LRRTM4: variants seen among roughly 807,000 people sequenced by gnomAD.
LRRTM4 encodes leucine-rich repeat transmembrane neuronal protein 4.
Under a neutral mutation model 47.6 loss-of-function variants are expected in LRRTM4, and 25 were observed. That is an observed-to-expected ratio of 0.53 (90% CI 0.38 to 0.73). The LOEUF (loss-of-function observed/expected upper bound fraction) is 0.73. Among genes scored for constraint, LRRTM4 ranks in the 30% least tolerant of loss-of-function variants. The pLI, the probability that LRRTM4 is intolerant of heterozygous loss-of-function variation, is 0.00. For synonymous variants in LRRTM4, 311 were observed against 269.5 expected, an observed-to-expected ratio of 1.15 and a Z score of -1.51; for missense variants, 638 against 713.4, an observed-to-expected ratio of 0.89 and a Z score of 1.20.
At chr2:77,355,417 G>A (rs1671931644) in intron 3 of LRRTM4, among the ~76,000 whole-genome samples, 1 of 152,100 alleles carries the variant, frequency 6.6e-6, no homozygotes, top group South Asian at 2.1e-4. Context: ...ACCACTCAGA[G>A]TAAAGTATCC....
At chr2:77,105,172 C>A (rs1222275399) in intron 3 of LRRTM4, among the ~76,000 whole-genome samples, 1 of 151,964 alleles carries the variant, frequency 6.6e-6, no homozygotes, top group Non-Finnish European at 1.5e-5. Context: ...CTGAGTATAA[C>A]AACAACAAAA....
intron 3 of LRRTM4, among the ~76,000 whole-genome samples, chr2:76,874,009 G>A (rs1672711080): frequency 6.6e-6 from 1 of 151,688 alleles, no homozygotes; most frequent in Admixed American, 6.6e-5. Flanking sequence ...TCCAAAAAAA[G>A]TTCTTGATAG....
intron 3 of LRRTM4, among the ~76,000 whole-genome samples, chr2:76,995,415 G>A (rs934648625): frequency 6.6e-6 from 1 of 151,966 alleles, no homozygotes; most frequent in Non-Finnish European, 1.5e-5. Flanking sequence ...CATGATAGTT[G>A]CAGTACTTTT....
intron 3 of LRRTM4, among the ~76,000 whole-genome samples, chr2:77,421,443 C>G (rs948827681): frequency 6.6e-5 from 10 of 152,066 alleles, no homozygotes; most frequent in Middle Eastern, 3.2e-3. Flanking sequence ...CGTGGTGGCT[C>G]ATGCCTATAA....
At chr2:76,922,139 G>C (rs947592243) in intron 3 of LRRTM4, among the ~76,000 whole-genome samples, 10 of 152,220 alleles carry the variant, frequency 6.6e-5, no homozygotes, top group African/African-American at 1.9e-4. Context: ...AAATAAGCTA[G>C]ATGCAAAAAG....
intron 3 of LRRTM4, among the ~76,000 whole-genome samples, chr2:77,204,147 G>A (rs780556663): frequency 2.0e-5 from 3 of 152,112 alleles, no homozygotes; most frequent in African/African-American, 4.8e-5. Context: ...CAAGCAAACT[G>A]AGTCCAGTGC....
At chr2:76,763,133 A>G (rs1673322120) in intron 3 of LRRTM4, among the ~76,000 whole-genome samples, 1 of 152,196 alleles carries the variant, frequency 6.6e-6, no homozygotes, top group Non-Finnish European at 1.5e-5. Context: ...TGAACATAAA[A>G]GGTGGCATAT....
Position 77,425,752 on chromosome 2 carries a change from G to C in LRRTM4, c.1551+92566C>G, listed in dbSNP as rs542030386. ...CAAATCTCTACATGGTCTATATCCA[G>C]CTCTCCTTTCAAGCCTTGGCTCCTC... On this transcript the variant is annotated intron_variant, in intron 3 of 3. Transcript: ENST00000409884. 1.1e-4 allele frequency among the ~76,000 whole-genome samples: 17 copies of C among 152,148 alleles called. No homozygotes were observed. In the East Asian group the frequency reaches 2.7e-3, roughly 24 times the overall value.
chr2:77,245,992 A>C (rs1042642904), intron 3 of LRRTM4, among the ~76,000 whole-genome samples: 1 of 152,190 alleles, frequency 6.6e-6, no homozygotes, highest in Non-Finnish European at 1.5e-5. Flanking sequence ...CATTAATCTC[A>C]AATGCCACTA....
intron 3 of LRRTM4, among the ~76,000 whole-genome samples, chr2:77,445,906 G>A (rs138276600): frequency 6.6e-6 from 1 of 152,060 alleles, no homozygotes; most frequent in African/African-American, 2.4e-5. Context: ...TCAAAACAGT[G>A]TCTGGCACAT....
chr2:76,771,588 C>T (rs1333540179), intron 3 of LRRTM4, among the ~76,000 whole-genome samples: 2 of 150,144 alleles, frequency 1.3e-5, no homozygotes, highest in Non-Finnish European at 2.9e-5. Flanking sequence ...AAACACTTGC[C>T]TGAAGCAGCA....
intron 3 of LRRTM4, among the ~76,000 whole-genome samples, chr2:76,865,143 A>G (rs1672430142): frequency 1.3e-5 from 2 of 151,976 alleles, no homozygotes; most frequent in Admixed American, 6.6e-5. Flanking sequence ...TCGCATACAC[A>G]TTGTTTTAAG....
At chr2:77,018,008 T>C (rs1374388) in intron 3 of LRRTM4, among the ~76,000 whole-genome samples, 84,719 of 151,480 alleles carry the variant, frequency 0.56, 26,035 homozygotes, top group African/African-American at 0.82. Flanking sequence ...CTAAATTTCT[T>C]ATCCATCTAT....
intron 3 of LRRTM4, among the ~76,000 whole-genome samples, chr2:77,418,064 A>C (rs919304241): frequency 6.6e-6 from 1 of 152,156 alleles, no homozygotes; most frequent in African/African-American, 2.4e-5. Context: ...GAAGGAAACA[A>C]ATGCAAACTT....
At chr2:76,872,797 G>T (rs1672663072) in intron 3 of LRRTM4, among the ~76,000 whole-genome samples, 2 of 152,038 alleles carry the variant, frequency 1.3e-5, no homozygotes, top group South Asian at 4.1e-4. Flanking sequence ...ATAGCTTGGT[G>T]CTGTCCTTGC....
At chr2:76,897,787 AT>A (rs1673473292) in intron 3 of LRRTM4, among the ~76,000 whole-genome samples, 1 of 152,246 alleles carries the variant, frequency 6.6e-6, no homozygotes, top group East Asian at 1.9e-4. Context: ...CACAGTTAGG[AT>A]TGTTACTGGC....
At chr2:76,900,270 A>G (rs962123217) in intron 3 of LRRTM4, among the ~76,000 whole-genome samples, 1 of 152,032 alleles carries the variant, frequency 6.6e-6, no homozygotes. Context: ...AAAACAAACA[A>G]ACAAAAATAT....
intron 3 of LRRTM4, among the ~76,000 whole-genome samples, chr2:77,365,917 TATATA>T (rs1421869425): frequency 6.7e-6 from 1 of 148,312 alleles, no homozygotes; most frequent in African/African-American, 2.4e-5. Context: ...ATATTATATA[TATATA>T]ATAATATTTA....
chr2:76,967,192 A>G (rs1164861374), intron 3 of LRRTM4, among the ~76,000 whole-genome samples: 1 of 146,276 alleles, frequency 6.8e-6, no homozygotes, highest in Non-Finnish European at 1.5e-5. Context: ...GAGAGGCACT[A>G]CCATTTACCT....
Sources: allele counts gnomAD v4.1 joint callset (sites outside exome capture counted in the v4.1 genomes callset), GRCh38; gene constraint gnomAD v4.1.1; transcripts MANE v1.5; gene names NCBI Gene and HGNC (gene_info 2026-07-23, HGNC 2026-07-21).